Variants in SEMA4D observed in about 807,000 individuals in gnomAD.
The protein encoded by SEMA4D is semaphorin-4D.
Under a neutral mutation model 74.8 loss-of-function variants are expected in SEMA4D, and 22 were observed. That is an observed-to-expected ratio of 0.29 (90% CI 0.21 to 0.42). The LOEUF is 0.42. Among genes scored for constraint, SEMA4D ranks in the 10% least tolerant of loss-of-function variants. The pLI is 1.00. For synonymous variants in SEMA4D, 445 were observed against 463.7 expected (o/e 0.96, Z 0.52); for missense variants, 937 against 1,118.4 (o/e 0.84, Z 2.31).
rs770378676 is a variant in SEMA4D, at chr9:89,363,506, C to T, written c.2114G>A (p.Trp705Ter). Residue 705 changes from tryptophan to a stop codon, truncating the protein, a stop_gained, in exon 18 of 19, where the codon TGG becomes TAG. Coordinates refer to the SEMA4D transcript ENST00000339861. LOFTEE classifies it high-confidence loss of function. ...CCTCCAGGCAGAGAGCTCTCTGGTC[C>T]ACCTCTCCTGGTGGGTCACTTCTGG... 9.9e-6 allele frequency: 16 copies of T among 1,613,984 alleles called. No homozygotes were observed. Among genetic ancestry groups the T allele is most frequent in the Admixed American group, 1.7e-5 (1 of 60,010 alleles).
At position 89,394,141 on chromosome 9, in the gene SEMA4D, A is replaced by G. The variant is rs552669855; in HGVS notation, c.415-486T>C. 7.9e-5 allele frequency among the ~76,000 whole-genome samples: 12 copies of G among 152,360 alleles called. No individual in the cohort carries two copies. The East Asian group carries it at 2.3e-3, about 29-fold the overall frequency. On this transcript the variant is annotated intron_variant, in intron 6 of 15. Coordinates refer to ENST00000422704, the MANE Select transcript of SEMA4D (RefSeq NM_001371194.2). The stretch of plus-strand genomic sequence containing the variant: ...CTCCACCCACCAAAACACACTCCAG[A>G]TGGATCAACCATCTGAATACTAAAA...
chr9:89,415,893 A>G (rs906670611), intron 2 of SEMA4D, among the ~76,000 whole-genome samples: 1 of 152,180 alleles, frequency 6.6e-6, no homozygotes, highest in African/African-American at 2.4e-5. Flanking sequence ...AGCGCCTTTG[A>G]TATGACACTA....
At chr9:89,391,212 C>A in intron 9 of SEMA4D, 52 bp downstream of exon 9, 1 of 1,582,430 alleles carries the variant, frequency 6.3e-7, no homozygotes, top group Non-Finnish European at 8.7e-7. Context: ...ATCATCCAGG[C>A]ACACTATTGC....
chr9:89,497,894 C>A, intron 1 of SEMA4D, 25 bp downstream of exon 1: 1 of 151,460 alleles, frequency 6.6e-6, no homozygotes, highest in South Asian at 1.8e-4. Context: ...CGCGCCCTCC[C>A]TCCCGCGCCA....
intron 2 of SEMA4D, among the ~76,000 whole-genome samples, chr9:89,410,136 G>A (rs924680845): frequency 3.9e-4 from 59 of 152,172 alleles, no homozygotes; most frequent in Admixed American, 3.7e-3. Flanking sequence ...GATTTCTGTG[G>A]TGTAAATGCT....
At chr9:89,396,609 G>T in intron 6 of SEMA4D, 128 bp downstream of exon 6, 1 of 790,380 alleles carries the variant, frequency 1.3e-6, no homozygotes, top group Non-Finnish European at 2.0e-6. Context: ...CCCGTTTTCT[G>T]CAGCTGGCTC....
intron 1 of SEMA4D, among the ~76,000 whole-genome samples, chr9:89,477,059 T>C (rs1861919734): frequency 2.0e-5 from 3 of 152,270 alleles, no homozygotes; most frequent in Admixed American, 1.3e-4. Flanking sequence ...TTTTATCTTT[T>C]GGCTAAAAAT....
At chr9:89,464,672 C>A (rs898492740) in intron 1 of SEMA4D, among the ~76,000 whole-genome samples, 1 of 152,216 alleles carries the variant, frequency 6.6e-6, no homozygotes, top group African/African-American at 2.4e-5. Context: ...GGGAAACTGA[C>A]AGCAACTCAG....
downstream of SEMA4D, chr9:89,376,366 TTGAAA>T (rs1292976240): frequency 6.6e-6 from 1 of 151,320 alleles, no homozygotes; most frequent in Non-Finnish European, 1.5e-5. Flanking sequence ...ACCCTGTCTC[TTGAAA>T]TTTTTTTTTT....
rs757536129 is a variant in SEMA4D, at chr9:89,393,645, G to A, written c.425C>T (p.Ser142Phe). 1.2e-6 allele frequency: 2 copies of A among 1,610,520 alleles called. No homozygotes were observed. Among genetic ancestry groups the A allele is most frequent in the South Asian group, 2.2e-5 (2 of 91,002 alleles). ...TTCATTTTTCCCCAGAAACTTAAAG[G>A]ATGTTAAGTTCTACAATTGAATAAA... ...QPACDHLNLTSFKFLGKNEDG... is the reference protein window; with the variant it reads ...QPACDHLNLTFFKFLGKNEDG... Residue 142 changes from serine (S) to phenylalanine (F), a missense_variant, in exon 7 of 16, where the codon TCC (serine) becomes TTC (phenylalanine). Ser to Phe is a radical substitution (Grantham distance 155). Transcript: ENST00000422704.
chr9:89,396,794 G>A lies in SEMA4D; in HGVS notation c.357C>T (p.Ser119=), dbSNP rs897604532. 9 of 1,613,928 alleles carry A rather than the reference G, an allele frequency of 5.6e-6. No homozygotes were observed. The highest frequency in any genetic ancestry group is 1.6e-4 in the Middle Eastern group (1 of 6,084). Reference sequence around the variant, plus strand: ...TCCCACACACGTAAAGGGAAGTGGCGCTGAGTGGCTGCAGCACCCGGATGT... The same window carrying A: ...TCCCACACACGTAAAGGGAAGTGGCACTGAGTGGCTGCAGCACCCGGATGT... ...LNYIRVLQPL[S]ATSLYVCGTN... is the part of the protein sequence containing the mutation. Residue 119 remains serine (S), a synonymous_variant, in exon 6 of 16, where the codon AGC becomes AGT. Coordinates refer to ENST00000422704, the MANE Select transcript of SEMA4D (RefSeq NM_001371194.2).
At chr9:89,370,369 G>GT (rs1472310234) in intron 16 of SEMA4D, among the ~76,000 whole-genome samples, 1 of 143,516 alleles carries the variant, frequency 7.0e-6, no homozygotes, top group African/African-American at 3.0e-5. Flanking sequence ...GTATCTGTAC[G>GT]TATGTGGTGT....
chr9:89,491,944 C>G (rs1004589378), intron 1 of SEMA4D, among the ~76,000 whole-genome samples: 12 of 152,094 alleles, frequency 7.9e-5, no homozygotes, highest in Non-Finnish European at 4.4e-5. Flanking sequence ...AAGGGGCGGC[C>G]CCAGCCAGTC....
chr9:89,399,723 C>T (rs1284448667), intron 4 of SEMA4D, among the ~76,000 whole-genome samples: 2 of 152,168 alleles, frequency 1.3e-5, no homozygotes, highest in Non-Finnish European at 2.9e-5. Context: ...ACAGGCCGGG[C>T]GCAGTGGCTC....
chr9:89,425,453 G>C (rs886421376), intron 2 of SEMA4D, among the ~76,000 whole-genome samples: 6 of 152,226 alleles, frequency 3.9e-5, no homozygotes, highest in Non-Finnish European at 8.8e-5. Flanking sequence ...GTTCTGCGAG[G>C]GTCAGGCTGT....
chr9:89,385,934 G>A, intron 13 of SEMA4D: 1 of 967,418 alleles, frequency 1.0e-6, no homozygotes, highest in Non-Finnish European at 1.2e-6. Context: ...CTCAGCCACA[G>A]GTGGAGACAG....
Position 89,381,516 on chromosome 9 carries a change from C to T in SEMA4D, c.1447-170G>A. ...GAGGCAAACAAGGCAGGTCTGTGAC[C>T]TTCCTGCAGAATCCACGTGCTATGT... On this transcript the variant is annotated intron_variant, in intron 13 of 15. Coordinates refer to ENST00000422704, the MANE Select transcript of SEMA4D (RefSeq NM_001371194.2). The surrounding 1 kb of genome is among the most constrained non-coding windows in gnomAD (Gnocchi z 4.6). 2 of 580,854 alleles carry T rather than the reference C, an allele frequency of 3.4e-6. No homozygotes were observed. The highest frequency in any genetic ancestry group is 5.7e-6 in the Non-Finnish European group (2 of 353,630). 36.0% of individuals were successfully genotyped at this position (580,854 alleles called of 1,614,324 possible).
intron 2 of SEMA4D, among the ~76,000 whole-genome samples, chr9:89,419,338 C>T (rs1328255409): frequency 6.6e-6 from 1 of 152,178 alleles, no homozygotes. Flanking sequence ...AGGCCACATC[C>T]ACCCAGGACC....
In SEMA4D at chr9:89,402,087, C is replaced by A. The variant is rs1355952490; in HGVS notation, c.252+784G>T. Among the ~76,000 whole-genome samples, 5 of 152,220 alleles carry A rather than the reference C, an allele frequency of 3.3e-5. No individual in the cohort carries two copies. The East Asian group carries it at 9.6e-4, about 29-fold the overall frequency. On this transcript the variant is annotated intron_variant, in intron 4 of 15. Transcript: ENST00000422704. ...GTGGGGCTGGGTGTGGTGGCACATA[C>A]TTACAGTCCCAGCTACTCAGGAGGC...
Sources: allele counts gnomAD v4.1 joint callset (sites outside exome capture counted in the v4.1 genomes callset), GRCh38; gene constraint gnomAD v4.1.1; non-coding constraint Gnocchi (gnomAD v3.1); transcripts MANE v1.5; gene names NCBI Gene and HGNC (gene_info 2026-07-23, HGNC 2026-07-21).